MRPL1: variants seen among roughly 807,000 people sequenced by gnomAD.
MRPL1 encodes the protein mitochondrial ribosomal protein L1.
A neutral mutation model predicts 38.0 loss-of-function variants in MRPL1; 28 were observed. That is an observed-to-expected ratio of 0.74 (90% CI 0.55 to 1.01). The LOEUF (loss-of-function observed/expected upper bound fraction) is 1.01, where lower values mean the gene tolerates loss of function less well. Among genes scored for constraint, MRPL1 ranks in the 50% least tolerant of loss-of-function variants. MRPL1 has a pLI of 0.00. For missense variants in MRPL1, 358 were observed against 389.8 expected, an observed-to-expected ratio of 0.92 and a Z score of 0.69; for synonymous variants, 123 against 126.7, an observed-to-expected ratio of 0.97 and a Z score of 0.20.
chr4:77,885,406 CA>C, intron 4 of MRPL1, 67 bp downstream of exon 4: 1 of 1,298,580 alleles, frequency 7.7e-7, no homozygotes, highest in South Asian at 1.2e-5. Context: ...CTCACTCTGT[CA>C]CCAGTCTGGA....
chr4:77,876,731 T>C (rs1735404287), intron 2 of MRPL1, among the ~76,000 whole-genome samples: 1 of 152,204 alleles, frequency 6.6e-6, no homozygotes, highest in Non-Finnish European at 1.5e-5. Context: ...GAGGGGCACC[T>C]GCTAGCTTCT....
At position 77,923,414 on chromosome 4, in the gene MRPL1, T is replaced by G. The variant is rs576142254; in HGVS notation, c.777+14042T>G. Reference sequence around the variant, plus strand: ...CCCGACCCTGGTTTGTCCTTTTAATTGTGGATATACATTGGAATTTACTGA... The same window carrying G: ...CCCGACCCTGGTTTGTCCTTTTAATGGTGGATATACATTGGAATTTACTGA... On this transcript the variant is annotated intron_variant, in intron 7 of 8. Transcript: ENST00000315567. 6.6e-5 allele frequency among the ~76,000 whole-genome samples: 10 copies of G among 152,170 alleles called. No individual in the cohort carries two copies. In the South Asian group the frequency reaches 1.2e-3, roughly 19 times the overall value.
At chr4:77,872,673 GC>G (rs972451414) in intron 2 of MRPL1, among the ~76,000 whole-genome samples, 1 of 152,138 alleles carries the variant, frequency 6.6e-6, no homozygotes, top group African/African-American at 2.4e-5. Flanking sequence ...GACCAGCCTG[GC>G]CAAGATGGTG....
intron 6 of MRPL1, among the ~76,000 whole-genome samples, chr4:77,903,998 T>C (rs191647488): frequency 7.9e-5 from 12 of 151,856 alleles, no homozygotes; most frequent in Admixed American, 2.6e-4. Flanking sequence ...GTAATACCAG[T>C]ACTTTGGGAG....
intron 7 of MRPL1, among the ~76,000 whole-genome samples, chr4:77,949,504 G>A (rs1389438576): frequency 1.3e-5 from 2 of 151,994 alleles, no homozygotes; most frequent in African/African-American, 4.8e-5. Context: ...AGGGAATGAT[G>A]TATTCTGCTC....
At chr4:77,931,089 T>C (rs1365505775) in intron 7 of MRPL1, among the ~76,000 whole-genome samples, 1 of 152,244 alleles carries the variant, frequency 6.6e-6, no homozygotes, top group Non-Finnish European at 1.5e-5. Context: ...TTGTATAATA[T>C]GTGGTGACTG....
rs114241687 is a variant in MRPL1, at chr4:77,905,527, A to G, written c.671-3739A>G. On this transcript the variant is annotated intron_variant, in intron 6 of 8. Coordinates refer to ENST00000315567, the MANE Select transcript of MRPL1 (RefSeq NM_020236.4). ...AAAAAAAAAAAAAAAAAAAGAATATATGTAATTGGTCATTAAACAGATGAA... is the reference window on the plus strand; with the variant it reads ...AAAAAAAAAAAAAAAAAAAGAATATGTGTAATTGGTCATTAAACAGATGAA... Among the ~76,000 whole-genome samples, 1,118 of 149,794 alleles carry G rather than the reference A, an allele frequency of 7.5e-3. 6 individuals carry two copies. Among genetic ancestry groups the G allele is most frequent in the South Asian group, 0.018 (84 of 4,750 alleles).
chr4:77,932,641 T>C (rs1736874302), intron 7 of MRPL1, among the ~76,000 whole-genome samples: 1 of 151,826 alleles, frequency 6.6e-6, no homozygotes, highest in Admixed American at 6.6e-5. Context: ...GGTGTGACTG[T>C]CTCCCATCCT....
chr4:77,890,230 A>C (rs1169918546), intron 5 of MRPL1, among the ~76,000 whole-genome samples: 6 of 152,248 alleles, frequency 3.9e-5, no homozygotes, highest in Non-Finnish European at 1.5e-5. Flanking sequence ...AAAAATCCTC[A>C]GTAAAATACT....
chr4:77,936,326 T>A (rs1204679279), intron 7 of MRPL1, among the ~76,000 whole-genome samples: 2 of 152,140 alleles, frequency 1.3e-5, no homozygotes, highest in African/African-American at 4.8e-5. Flanking sequence ...TTTATTCAAC[T>A]TTATTTCTTT....
intron 7 of MRPL1, among the ~76,000 whole-genome samples, chr4:77,942,111 A>G (rs536651455): frequency 3.3e-5 from 5 of 152,136 alleles, no homozygotes; most frequent in African/African-American, 7.2e-5. Flanking sequence ...TTTAATTTCC[A>G]TCTTGATTTT....
chr4:77,952,762 A>T lies in MRPL1; in HGVS notation c.*155A>T. The T allele has an allele frequency of 1.7e-6, 1 of 574,668 alleles. No individual in the cohort carries two copies. The highest frequency in any genetic ancestry group is 3.0e-6 in the Non-Finnish European group (1 of 334,858). The allele number at this position is 574,668 out of a possible 1,614,324, so 35.6% of individuals were successfully genotyped here. A position where few individuals can be genotyped will look rare whatever the true frequency, so the allele number is the denominator to read the frequency against. On this transcript the variant is annotated 3_prime_UTR_variant, in exon 9 of 9. Coordinates refer to ENST00000315567, the MANE Select transcript of MRPL1 (RefSeq NM_020236.4). ...CGTACAGTCATTTCAAGAATAAGAA[A>T]ATAAAATTTTCTCTTTGTCTGAACC...
chr4:77,890,166 AGACAC>A (rs1050853845), intron 5 of MRPL1, among the ~76,000 whole-genome samples: 9 of 152,188 alleles, frequency 5.9e-5, no homozygotes, highest in Non-Finnish European at 1.2e-4. Flanking sequence ...AGCCTGGCAG[AGACAC>A]GACAAAAAAA....
chr4:77,885,954 A>G (rs1025869699), intron 4 of MRPL1, among the ~76,000 whole-genome samples: 1 of 152,218 alleles, frequency 6.6e-6, no homozygotes, highest in East Asian at 1.9e-4. Flanking sequence ...CTTTCTGTTC[A>G]AACTTCTCTC....
At chr4:77,928,935 A>C (rs2110258293) in intron 7 of MRPL1, among the ~76,000 whole-genome samples, 1 of 152,304 alleles carries the variant, frequency 6.6e-6, no homozygotes, top group Middle Eastern at 3.4e-3. Flanking sequence ...CATAAGAAAA[A>C]CCATACCGTT....
At chr4:77,889,159 C>T (rs1735749603) in intron 5 of MRPL1, among the ~76,000 whole-genome samples, 1 of 152,190 alleles carries the variant, frequency 6.6e-6, no homozygotes, top group African/African-American at 2.4e-5. Flanking sequence ...ACTCTCCACC[C>T]CAAATCAACA....
In MRPL1 at chr4:77,885,335, C is replaced by T; in HGVS notation, c.482C>T (p.Thr161Ile). Residue 161 changes from threonine (T) to isoleucine (I), a missense_variant, in exon 4 of 9, where the codon ACA (threonine) becomes ATA (isoleucine). Coordinates refer to ENST00000315567, the MANE Select transcript of MRPL1 (RefSeq NM_020236.4). ...GAAATCAATAAAGTTGCTGTATTTA[C>T]AGAGGTGAGTAACTTCCGTCAACTA... ...ASEINKVAVF[T>I]ENASEVKIAE... 6.2e-7 allele frequency: 1 copy of T among 1,608,748 alleles called. No individual in the cohort carries two copies. The highest frequency in any genetic ancestry group is 2.2e-5 in the East Asian group (1 of 44,844).
At chr4:77,874,238 G>C (rs1282821990) in intron 2 of MRPL1, among the ~76,000 whole-genome samples, 1 of 152,152 alleles carries the variant, frequency 6.6e-6, no homozygotes, top group Middle Eastern at 3.4e-3. Context: ...TGCCCGCCTT[G>C]GCCTCCCAAA....
At chr4:77,863,478 T>TTTTTTTTTTTTTTTTTTTTTTG (rs1735052826) in intron 1 of MRPL1, among the ~76,000 whole-genome samples, 3 of 148,694 alleles carry the variant, frequency 2.0e-5, no homozygotes, top group African/African-American at 7.5e-5. Context: ...TTTTTTTTTT[T>TTTTTTTTTTTTTTTTTTTTTTG]TTTTGAGACG....
Sources: allele counts gnomAD v4.1 joint callset (sites outside exome capture counted in the v4.1 genomes callset), GRCh38; gene constraint gnomAD v4.1.1; transcripts MANE v1.5; gene names NCBI Gene and HGNC (gene_info 2026-07-23, HGNC 2026-07-21).